The following SLC9A6 variants were observed in gnomAD, a reference collection of about 807,000 sequenced individuals.
The protein encoded by SLC9A6 is solute carrier family 9 member A6.
A neutral mutation model predicts 45.3 loss-of-function variants in SLC9A6; 6 were observed. That is an observed-to-expected ratio of 0.13 (90% confidence interval 0.07 to 0.26). SLC9A6 has a LOEUF of 0.26. Among genes scored for constraint, SLC9A6 ranks in the 10% least tolerant of loss-of-function variants. The pLI, the probability that SLC9A6 is intolerant of heterozygous loss-of-function variation, is 1.00. For synonymous variants in SLC9A6, 191 were observed against 187.7 expected (o/e 1.02, Z -0.14); for missense variants, 278 against 503.7 (o/e 0.55, Z 4.29).
At chrX:135,990,373 G>C (rs1344425518) in intron 2 of SLC9A6, among the ~76,000 whole-genome samples, 1 of 111,719 alleles carries the variant, frequency 9.0e-6, no homozygotes, top group African/African-American at 3.3e-5. Context: ...TAGGAGGCTA[G>C]AAGTTTCTGC....
chrX:135,981,049 A>G (rs782444857), upstream of SLC9A6, among the ~76,000 whole-genome samples: 3 of 111,961 alleles, frequency 2.7e-5, no homozygotes, highest in South Asian at 1.1e-3. Context: ...AGATCTTCCC[A>G]GGGGGCCATA....
In SLC9A6 at chrX:136,021,530, A is replaced by G. The variant is rs192622495; in HGVS notation, c.1195-1056A>G. On this transcript the variant is annotated intron_variant, in intron 11 of 17. Transcript: ENST00000630721. ...TACTTAGACCAACACCATTCCCCCT[A>G]CCTTGTTTGTTTTGAGACAGGGTCT... Among the ~76,000 whole-genome samples, 3 of 111,617 alleles carry G rather than the reference A, an allele frequency of 2.7e-5. No individual in the cohort carries two copies. In the East Asian group the frequency reaches 8.5e-4, roughly 32 times the overall value.
At chrX:136,010,637 G>A in intron 8 of SLC9A6, 54 bp downstream of exon 8, 1 of 1,055,902 alleles carries the variant, frequency 9.5e-7, no homozygotes, top group Non-Finnish European at 1.3e-6. Flanking sequence ...GTAGTTGAAT[G>A]CTGTATTCCG....
In SLC9A6 at chrX:136,040,178, C is replaced by T. The variant is rs2071482902; in HGVS notation, c.1764C>T (p.Tyr588=). The part of the protein sequence containing the change: ...IARCLTSPQA[Y]ENQEQLKDDD... The stretch of plus-strand genomic sequence containing the variant: ...GGTGCCTCACCAGCCCCCAGGCTTA[C>T]GAAGTAAGTTGGTTTTATCCAAAAC... The change falls in exon 17 of 18, where the codon TAC becomes TAT. Residue 588 remains tyrosine, a synonymous_variant. Transcript: ENST00000630721. 5.9e-6 allele frequency: 7 copies of T among 1,195,038 alleles called. No homozygotes were observed. The highest frequency in any genetic ancestry group is 5.9e-5 in the East Asian group (2 of 33,732).
chrX:136,020,711 T>C (rs1293786779), intron 11 of SLC9A6, among the ~76,000 whole-genome samples: 1 of 112,338 alleles, frequency 8.9e-6, no homozygotes, highest in Admixed American at 9.5e-5. Flanking sequence ...CTGATATTTA[T>C]TTTATACTTT....
upstream of SLC9A6, among the ~76,000 whole-genome samples, chrX:135,982,486 CTT>C (rs1195390279): frequency 9.5e-5 from 9 of 94,912 alleles, no homozygotes; most frequent in Non-Finnish European, 6.4e-5. Flanking sequence ...GGTCAATTCG[CTT>C]TTTTTTTTTT....
At chrX:136,005,456 G>A (rs782666233) in intron 7 of SLC9A6, among the ~76,000 whole-genome samples, 3 of 112,262 alleles carry the variant, frequency 2.7e-5, no homozygotes, top group South Asian at 3.6e-4. Flanking sequence ...CGAGGCGGGC[G>A]GATCACCTGA....
At chrX:135,974,900 C>T (rs1399884199) in intron 1 of SLC9A6, 5 of 261,531 alleles carry the variant, frequency 1.9e-5, no homozygotes, top group Non-Finnish European at 3.6e-5. Flanking sequence ...ATGCTAATAA[C>T]GCAGCCTTCT....
rs192924893 is a variant in SLC9A6 at position 135,974,834 on chromosome X, T to C, written c.-57+51T>C. On this transcript the variant is annotated intron_variant, in intron 1 of 16. Transcript: ENST00000636092. ...AGAGGTGTAGCGCGGGGGGAGTGTT[T>C]TGTCGTGAAAAGAACCAGCTTACAT... 3.1e-3 allele frequency: 890 copies of C among 288,546 alleles called. 11 individuals are homozygous for C. The highest frequency in any genetic ancestry group is 0.022 in the African/African-American group (783 of 35,547). 23.8% of individuals were successfully genotyped at this position (288,546 alleles called of 1,213,427 possible).
intron 3 of SLC9A6, among the ~76,000 whole-genome samples, chrX:135,997,262 G>A (rs2089516906): frequency 9.2e-6 from 1 of 109,177 alleles, no homozygotes; most frequent in Non-Finnish European, 1.9e-5. Flanking sequence ...TGCCATGTCG[G>A]TCAGGCAGGT....
rs900732029 is a variant in SLC9A6 at position 136,045,041 on chromosome X, C to T, written c.*317C>T. ...CGGATTTTCTCTTTCTTAAACTTAC[C>T]TGACACTTAACCAGAGTACCAGTTC... On this transcript the variant is annotated 3_prime_UTR_variant, in exon 18 of 18. Coordinates refer to ENST00000630721, the MANE Select transcript of SLC9A6 (RefSeq NM_001379110.1). The T allele has an allele frequency of 1.8e-5, 4 of 227,665 alleles. No homozygotes were observed. The highest frequency in any genetic ancestry group is 6.3e-5 in the Admixed American group (1 of 15,951). 18.8% of individuals were successfully genotyped at this position (227,665 alleles called of 1,213,427 possible).
intron 2 of SLC9A6, among the ~76,000 whole-genome samples, chrX:135,992,902 C>T (rs1246800045): frequency 1.8e-5 from 2 of 111,660 alleles, no homozygotes; most frequent in African/African-American, 6.5e-5. Flanking sequence ...TTGTTTTCAT[C>T]TCTGAACCCT....
At chrX:135,992,277 CA>C (rs1342642201) in intron 2 of SLC9A6, among the ~76,000 whole-genome samples, 25 of 111,309 alleles carry the variant, frequency 2.2e-4, no homozygotes, top group African/African-American at 8.2e-4. Context: ...ATAATACCTT[CA>C]AAAAATCCTT....
At chrX:135,992,588 G>T (rs184197158) in intron 2 of SLC9A6, among the ~76,000 whole-genome samples, 1 of 111,957 alleles carries the variant, frequency 8.9e-6, no homozygotes, top group East Asian at 2.8e-4. Context: ...TGGATGGGCT[G>T]TGTTGTCTCC....
intron 14 of SLC9A6, 135 bp from the exon 15 acceptor site, chrX:136,029,997 C>A: frequency 1.6e-6 from 1 of 620,074 alleles, no homozygotes; most frequent in Non-Finnish European, 2.6e-6. Flanking sequence ...GCATCAACAG[C>A]TATAGAGAAG....
rs2071273029 is a variant in SLC9A6 at position 136,028,992 on chromosome X, T to C, written c.1550+17T>C. The stretch of plus-strand genomic sequence containing the variant: ...GACTGACAGGTAAATAACTATACTC[T>C]ACTGTGCTAAGTATCATAATAAAGG... On this transcript the variant is annotated intron_variant, in intron 14 of 17. Coordinates refer to ENST00000630721, the MANE Select transcript of SLC9A6 (RefSeq NM_001379110.1). The C allele has an allele frequency of 3.4e-6, 1 of 294,041 alleles. No individual in the cohort carries two copies. Among genetic ancestry groups the C allele is most frequent in the African/African-American group, 2.8e-5 (1 of 36,236 alleles). The allele number at this position is 294,041 out of a possible 1,213,427, so 24.2% of individuals were successfully genotyped here.
chrX:136,006,607 A>C (rs1282283629), intron 7 of SLC9A6, among the ~76,000 whole-genome samples: 2 of 109,893 alleles, frequency 1.8e-5, no homozygotes, highest in African/African-American at 6.6e-5. Context: ...ATCTATATGT[A>C]TATTGATATA....
At chrX:136,012,375 A>G (rs782260407) in intron 8 of SLC9A6, among the ~76,000 whole-genome samples, 24 of 112,549 alleles carry the variant, frequency 2.1e-4, no homozygotes, top group Non-Finnish European at 4.3e-4. Flanking sequence ...GCCTAGTTGT[A>G]GAAATGACTC....
intron 1 of SLC9A6, among the ~76,000 whole-genome samples, chrX:135,976,909 C>G (rs1556613401): frequency 8.9e-6 from 1 of 112,000 alleles, no homozygotes; most frequent in Non-Finnish European, 1.9e-5. Context: ...GAGAAACTAG[C>G]CTCGTTTCAC....
Sources: allele counts gnomAD v4.1 joint callset (sites outside exome capture counted in the v4.1 genomes callset), GRCh38; gene constraint gnomAD v4.1.1; transcripts MANE v1.5; gene names NCBI Gene and HGNC (gene_info 2026-07-23, HGNC 2026-07-21).